Variants in NUP210L observed in about 807,000 individuals in gnomAD.
The protein encoded by NUP210L is nuclear pore membrane glycoprotein 210-like.
NUP210L carries 74 observed loss-of-function variants against 208.5 expected under a neutral mutation model. That is an observed-to-expected ratio of 0.35 (90% CI 0.29 to 0.43). The LOEUF is 0.43. Ranked by LOEUF, NUP210L falls within the 20% of genes least tolerant of loss-of-function variation. NUP210L has a pLI of 1.00. For missense variants in NUP210L, 1,843 were observed against 2,289.4 expected, an observed-to-expected ratio of 0.81 and a Z score of 3.98; for synonymous variants, 780 against 816.9, an observed-to-expected ratio of 0.95 and a Z score of 0.77.
chr1:154,045,752 T>G (rs563353567), intron 27 of NUP210L, among the ~76,000 whole-genome samples: 2 of 152,150 alleles, frequency 1.3e-5, no homozygotes, highest in East Asian at 3.9e-4. Context: ...GAGGTCACAG[T>G]GGGTGGATCA....
At chr1:154,057,031 T>C in intron 22 of NUP210L, 84 bp from the exon 23 acceptor site, 1 of 1,358,054 alleles carries the variant, frequency 7.4e-7, no homozygotes, top group Non-Finnish European at 1.0e-6. Context: ...CAGGCTGGAG[T>C]GCAGTGGCAT....
chr1:154,042,415 T>TTTGTTGTTG (rs575841395), intron 27 of NUP210L, among the ~76,000 whole-genome samples: 6 of 146,960 alleles, frequency 4.1e-5, no homozygotes, highest in African/African-American at 1.0e-4. Context: ...TGAAGGCCTT[T>TTTGTTGTTG]TTGTTGTTGT....
At chr1:154,151,541 A>G (rs1351341226) in intron 2 of NUP210L, among the ~76,000 whole-genome samples, 1 of 152,210 alleles carries the variant, frequency 6.6e-6, no homozygotes, top group East Asian at 1.9e-4. Context: ...GGAGTGGGGG[A>G]AAAGTGATGA....
At chr1:154,046,149 T>G in exon 27 of NUP210L, 1 of 1,614,128 alleles carries the variant, frequency 6.2e-7, no homozygotes. Flanking sequence ...TTAGCATTGC[T>G]GAAGGAGAAA....
At chr1:154,051,549 G>A (rs549231107) in intron 25 of NUP210L, among the ~76,000 whole-genome samples, 1 of 152,210 alleles carries the variant, frequency 6.6e-6, no homozygotes, top group East Asian at 1.9e-4. Flanking sequence ...TAATGTCTCT[G>A]GTCACAAAGC....
chr1:154,154,745 C>T, intron 1 of NUP210L, 97 bp downstream of exon 1: 1 of 1,016,448 alleles, frequency 9.8e-7, no homozygotes, highest in East Asian at 2.4e-5. Flanking sequence ...TCACGCGGCC[C>T]CACACGGTAT....
At chr1:154,054,182 T>G in intron 25 of NUP210L, 46 bp downstream of exon 25, 1 of 1,599,216 alleles carries the variant, frequency 6.3e-7, no homozygotes, top group Non-Finnish European at 8.6e-7. Flanking sequence ...CACAGTATGG[T>G]TCCTCAATAG....
chr1:154,052,687 T>C (rs1653583917), intron 25 of NUP210L, among the ~76,000 whole-genome samples: 1 of 152,230 alleles, frequency 6.6e-6, no homozygotes, highest in African/African-American at 2.4e-5. Context: ...GTATTTACCA[T>C]AATAAATCTG....
At chr1:154,058,050 ATAT>A (rs751397250) in intron 22 of NUP210L, 36 bp downstream of exon 22, 64 of 1,611,428 alleles carry the variant, frequency 4.0e-5, no homozygotes, top group Middle Eastern at 1.7e-4. Context: ...GAGTCTTATG[ATAT>A]GCAGAGTGGG....
At chr1:154,126,445 C>T (rs746627884) in exon 10 of NUP210L, 26 of 1,610,562 alleles carry the variant, frequency 1.6e-5, no homozygotes, top group Non-Finnish European at 2.0e-5. Flanking sequence ...TTAGGAAAGT[C>T]GTATGTAATC....
At chr1:154,040,823 C>T (rs892042871) in intron 27 of NUP210L, among the ~76,000 whole-genome samples, 1 of 152,076 alleles carries the variant, frequency 6.6e-6, no homozygotes, top group Non-Finnish European at 1.5e-5. Context: ...GATCTCCTGA[C>T]CTCGTGATCC....
intron 36 of NUP210L, 76 bp from the exon 37 acceptor site, chr1:154,001,136 T>TACTG: frequency 9.0e-7 from 1 of 1,116,362 alleles, no homozygotes; most frequent in Non-Finnish European, 1.3e-6. Flanking sequence ...ATCTGAAACA[T>TACTG]ATACAGTACA....
At chr1:153,999,860 C>G (rs1342779005) in intron 37 of NUP210L, among the ~76,000 whole-genome samples, 1 of 146,732 alleles carries the variant, frequency 6.8e-6, no homozygotes, top group African/African-American at 2.5e-5. Context: ...GGGTCTTGCT[C>G]TGTCACCAGG....
chr1:154,125,619 CTGAAAGGAAGGAAGGA>C (rs1657857815), intron 10 of NUP210L, among the ~76,000 whole-genome samples: 3 of 68,274 alleles, frequency 4.4e-5, no homozygotes, highest in Middle Eastern at 6.8e-3. Flanking sequence ...GAGGCCCTCT[CTGAAAGGAAGGAAGGA>C]AGGAAGGAAG....
chr1:154,015,769 T>C (rs1195609701), intron 33 of NUP210L, among the ~76,000 whole-genome samples: 3 of 150,442 alleles, frequency 2.0e-5, no homozygotes, highest in Non-Finnish European at 4.4e-5. Context: ...ATTAGCCGAG[T>C]GTGGTGGTGT....
At chr1:154,139,719 A>G in intron 5 of NUP210L, 83 bp downstream of exon 5, 1 of 1,043,228 alleles carries the variant, frequency 9.6e-7, no homozygotes, top group Non-Finnish European at 1.4e-6. Flanking sequence ...CGGGTAGTGC[A>G]TTCTTGTAGT....
chr1:154,107,483 A>AT (rs1320464646), intron 12 of NUP210L, among the ~76,000 whole-genome samples: 1 of 151,204 alleles, frequency 6.6e-6, no homozygotes. Flanking sequence ...CAAAAAAAAA[A>AT]AAAAAACTAA....
chr1:154,045,960 G>T, intron 27 of NUP210L, 109 bp downstream of exon 27: 2 of 1,019,900 alleles, frequency 2.0e-6, no homozygotes, highest in Non-Finnish European at 2.8e-6. Flanking sequence ...ACTCCAGCCT[G>T]GGGGACAGAG....
intron 13 of NUP210L, 41 bp from the exon 14 acceptor site, chr1:154,100,184 TC>T (rs1402716606): frequency 6.2e-7 from 1 of 1,607,188 alleles, no homozygotes; most frequent in Non-Finnish European, 8.5e-7. Context: ...GCGTGGTGGC[TC>T]AGGCTTGTAA....
Sources: allele counts gnomAD v4.1 joint callset (sites outside exome capture counted in the v4.1 genomes callset), GRCh38; gene constraint gnomAD v4.1.1; transcripts MANE v1.5; gene names NCBI Gene and HGNC (gene_info 2026-07-23, HGNC 2026-07-21).